C12orf42: variants seen among roughly 807,000 people sequenced by gnomAD.
The protein encoded by C12orf42 is uncharacterized protein C12orf42.
Under a neutral mutation model 21.6 loss-of-function variants are expected in C12orf42, and 25 were observed. The observed-to-expected ratio is 1.16, with a 90% CI of 0.84 to 1.62. The LOEUF (loss-of-function observed/expected upper bound fraction) is 1.62, where lower values mean the gene tolerates loss of function less well. C12orf42 is among the 40% of genes most tolerant of loss of function. The pLI is 0.00. For missense variants in C12orf42, 483 were observed against 459.3 expected, an observed-to-expected ratio of 1.05 and a Z score of -0.47; for synonymous variants, 174 against 175.0, an observed-to-expected ratio of 0.99 and a Z score of 0.05.
chr12:103,215,803 A>G, the C12orf42 span, among the ~76,000 whole-genome samples: 262 of 152,386 alleles, frequency 1.7e-3, no homozygotes, highest in African/African-American at 5.9e-3. Context: ...GGAACACAGT[A>G]CTCAAAAGAG....
chr12:103,446,233 A>G (rs1477942325), intron 2 of C12orf42, among the ~76,000 whole-genome samples: 1 of 152,012 alleles, frequency 6.6e-6, no homozygotes, highest in Non-Finnish European at 1.5e-5. Context: ...CAAAGCAATT[A>G]TCAGCAAAGA....
exon 11 of C12orf42, chr12:103,237,667 T>C (rs1707375912): frequency 6.6e-6 from 1 of 152,216 alleles, no homozygotes; most frequent in African/African-American, 2.4e-5. Context: ...GCAATTCTGG[T>C]CTTGGCTGGA....
At chr12:103,100,862 AAAGAT>A in the C12orf42 span, among the ~76,000 whole-genome samples, 2 of 152,200 alleles carry the variant, frequency 1.3e-5, no homozygotes, top group African/African-American at 4.8e-5. Flanking sequence ...AGGACAAAAA[AAAGAT>A]ATATAAGGCA....
chr12:103,504,216 G>A, the C12orf42 span: 1 of 153,582 alleles, frequency 6.5e-6, no homozygotes, highest in Non-Finnish European at 1.5e-5. Flanking sequence ...CCCTCAATGG[G>A]ACCACCCTGA....
At chr12:103,137,042 A>G in the C12orf42 span, among the ~76,000 whole-genome samples, 1 of 152,218 alleles carries the variant, frequency 6.6e-6, no homozygotes, top group African/African-American at 2.4e-5. Flanking sequence ...TATTAAACTA[A>G]AAAGCTGCTG....
chr12:103,451,259 C>T (rs1054538894), intron 2 of C12orf42, among the ~76,000 whole-genome samples: 5 of 151,934 alleles, frequency 3.3e-5, no homozygotes, highest in Non-Finnish European at 5.9e-5. Flanking sequence ...CAGGGTCTCA[C>T]TCTGTTGCCC....
At chr12:103,131,717 G>A in the C12orf42 span, among the ~76,000 whole-genome samples, 1 of 152,200 alleles carries the variant, frequency 6.6e-6, no homozygotes, top group Non-Finnish European at 1.5e-5. Context: ...GGCTATGATG[G>A]CAGGTTGCTC....
upstream of C12orf42, among the ~76,000 whole-genome samples, chr12:103,499,273 G>A (rs2138279054): frequency 6.6e-6 from 1 of 152,214 alleles, no homozygotes; most frequent in Non-Finnish European, 1.5e-5. Flanking sequence ...CACCAAAAAT[G>A]GTAATTATAT....
At chr12:103,361,107 C>A (rs939138144) in intron 4 of C12orf42, among the ~76,000 whole-genome samples, 1 of 152,052 alleles carries the variant, frequency 6.6e-6, no homozygotes, top group Non-Finnish European at 1.5e-5. Context: ...AGAGCTACTG[C>A]AGAAATATAC....
chr12:103,230,250 G>T, the C12orf42 span, among the ~76,000 whole-genome samples: 1 of 152,098 alleles, frequency 6.6e-6, no homozygotes, highest in Non-Finnish European at 1.5e-5. Context: ...CTTATCTGGT[G>T]GCTTGGCAGA....
At chr12:103,090,714 A>C in the C12orf42 span, among the ~76,000 whole-genome samples, 1 of 152,076 alleles carries the variant, frequency 6.6e-6, no homozygotes, top group Admixed American at 6.5e-5. Flanking sequence ...CCCCAGGAAG[A>C]TACCTACATT....
intron 4 of C12orf42, among the ~76,000 whole-genome samples, chr12:103,368,317 T>TCACACA (rs3065785): frequency 1.2e-4 from 18 of 146,622 alleles, no homozygotes; most frequent in African/African-American, 3.1e-4. Flanking sequence ...TCTCTCTCTC[T>TCACACA]CACACACACA....
In C12orf42 at chr12:103,444,830, TTTC is replaced by T. The variant is rs768469806; in HGVS notation, c.78+33516_78+33518del. Among the ~76,000 whole-genome samples the T allele has an allele frequency of 9.9e-5, 15 of 152,190 alleles. No homozygotes were observed. In the South Asian group the frequency reaches 1.0e-3, roughly 11 times the overall value. On this transcript the variant is annotated intron_variant, in intron 2 of 5. Transcript: ENST00000548883. ...CCTTTTATCAATATCATATTTCCCC[TTTC>T]TTCTTTTCTTTAAATGTCTTTTGCA...
chr12:103,413,542 C>A (rs888141146), intron 2 of C12orf42, among the ~76,000 whole-genome samples: 3 of 151,530 alleles, frequency 2.0e-5, no homozygotes, highest in Admixed American at 2.0e-4. Context: ...ATGGTTAAGT[C>A]CTTTAGTGGT....
At chr12:103,504,788 G>A in the C12orf42 span, 3 of 154,014 alleles carry the variant, frequency 1.9e-5, no homozygotes, top group Non-Finnish European at 2.9e-5. Context: ...GACATGCTGG[G>A]GGGTACTGGG....
the C12orf42 span, among the ~76,000 whole-genome samples, chr12:103,547,462 A>T: frequency 5.8e-4 from 88 of 152,240 alleles, no homozygotes; most frequent in African/African-American, 2.0e-3. Context: ...GTCTAAATTT[A>T]AATGTCTTAC....
At chr12:103,149,598 C>T in the C12orf42 span, among the ~76,000 whole-genome samples, 5 of 152,096 alleles carry the variant, frequency 3.3e-5, no homozygotes, top group African/African-American at 7.2e-5. Context: ...ATGTTGCTCT[C>T]ATGATAGTGA....
chr12:103,418,306 C>T lies in C12orf42; in HGVS notation c.79-16631G>A, dbSNP rs553811874. Among the ~76,000 whole-genome samples, 9 of 152,204 alleles carry T rather than the reference C, an allele frequency of 5.9e-5. No individual in the cohort carries two copies. The South Asian group carries it at 1.9e-3, about 32-fold the overall frequency. On this transcript the variant is annotated intron_variant, in intron 2 of 5. Coordinates refer to ENST00000548883, the MANE Select transcript of C12orf42 (RefSeq NM_198521.5). ...TGAAAGCCAGATACCAGCAGGCATG[C>T]CGTCTTCTAGATAGGATCATACGGC...
the C12orf42 span, among the ~76,000 whole-genome samples, chr12:103,118,573 C>T: frequency 7.2e-5 from 11 of 151,948 alleles, no homozygotes; most frequent in East Asian, 5.8e-4. Flanking sequence ...CCAAGGCGGG[C>T]GGATCACGAG....
Sources: gnomAD v4.1 joint callset for allele counts (sites outside exome capture counted in the v4.1 genomes callset) on GRCh38, gnomAD v4.1.1 for gene constraint, MANE v1.5 for transcripts, NCBI Gene and HGNC (gene_info 2026-07-23, HGNC 2026-07-21) for gene names.